RASSF7: variants seen among roughly 807,000 people sequenced by gnomAD.
RASSF7 encodes ras association domain-containing protein 7.
A neutral mutation model predicts 33.8 loss-of-function variants in RASSF7; 41 were observed. The observed-to-expected ratio is 1.21, with a 90% confidence interval of 0.95 to 1.57. The LOEUF is 1.57. RASSF7 is among the 40% of genes most tolerant of loss of function. RASSF7 has a pLI of 0.00. For synonymous variants in RASSF7, 298 were observed against 212.8 expected, an observed-to-expected ratio of 1.40 and a Z score of -3.48; for missense variants, 622 against 497.0, an observed-to-expected ratio of 1.25 and a Z score of -2.39.
At chr11:563,042 C>T (rs1011023448) in intron 3 of RASSF7, 147 bp from the exon 4 acceptor site, 57 of 806,136 alleles carry the variant, frequency 7.1e-5, no homozygotes, top group East Asian at 6.2e-4. Context: ...CAGGTGAGCC[C>T]GGGGACCTGA....
rs1340508036 is a variant in RASSF7 at position 563,669 on chromosome 11, CA to C, written c.*25del. ...GACAGCCTAGTGAGGGCTGCAAGAC[CA>C]TCCTGCCCGGACCACAGAAGGAGAG... is the stretch of plus-strand genomic sequence containing the variant. On this transcript the variant is annotated 3_prime_UTR_variant, in exon 6 of 6. Transcript: ENST00000397583. 1.7e-5 allele frequency: 27 copies of C among 1,583,096 alleles called. No homozygotes were observed. The highest frequency in any genetic ancestry group is 2.2e-5 in the Non-Finnish European group (26 of 1,163,948).
rs376543695 is a variant in RASSF7, at chr11:561,775, T to C, written c.7T>C (p.Leu3=). The change falls in exon 2 of 6, where the codon TTG becomes CTG. Residue 3 remains leucine (L), a synonymous_variant. Coordinates refer to ENST00000397583, the MANE Select transcript of RASSF7 (RefSeq NM_003475.4). ML[L]GLAAMELKVW... ...CCCTCCCCACAGGACAGGCATGTTG[T>C]TGGGACTGGCGGCCATGGAGCTGAA... 306 of 1,613,356 alleles carry C rather than the reference T, an allele frequency of 1.9e-4. No individual in the cohort carries two copies. The highest frequency in any genetic ancestry group is 2.4e-4 in the Non-Finnish European group (289 of 1,180,010).
At position 562,452 on chromosome 11, in the gene RASSF7, T is replaced by C. The variant is rs1279289068; in HGVS notation, c.498T>C (p.Ala166=). Residue 166 remains alanine, a synonymous_variant, in exon 3 of 6, where the codon GCT becomes GCC. Coordinates refer to ENST00000397583, the MANE Select transcript of RASSF7 (RefSeq NM_003475.4). ...TGGAGCTCAGGGTGCAGAGGAATGC[T>C]GAGGAGCTGGGCCATGAGGCCTTCT... ...RGLELRVQRN[A]EELGHEAFWE... The C allele has an allele frequency of 1.9e-6, 3 of 1,550,994 alleles. No homozygotes were observed. The highest frequency in any genetic ancestry group is 2.6e-6 in the Non-Finnish European group (3 of 1,147,128).
chr11:562,255 C>G lies in RASSF7; in HGVS notation c.301C>G (p.Pro101Ala), dbSNP rs902694647. The G allele has an allele frequency of 3.7e-6, 6 of 1,612,806 alleles. No individual in the cohort carries two copies. The African/African-American group carries it at 8.0e-5, about 22-fold the overall frequency. The change falls in exon 3 of 6, where the codon CCA becomes GCA. Residue 101 changes from proline to alanine, a missense_variant. Coordinates refer to ENST00000397583, the MANE Select transcript of RASSF7 (RefSeq NM_003475.4). ...TGGGAGGCCCTCCTCAGACAGCTGT[C>G]CACCCCCGGAACGCTGCCTAATTCG... ...LAGRPSSDSC[P>A]PPERCLIRAS... is the part of the protein sequence containing the mutation.
Position 563,473 on chromosome 11 carries a change from C to G in RASSF7, c.1029C>G (p.Pro343=), listed in dbSNP as rs747140525. The G allele has an allele frequency of 6.2e-7, 1 of 1,610,612 alleles. No individual in the cohort carries two copies. ...SESHAGAQPR[P]RGGPHDAELL... is the part of the protein sequence containing the mutation. Reference sequence around the variant, plus strand: ...CCCATGCTGGTGCCCAGCCTAGGCCCCGAGGGTATGTCTGTGCCCCACCTC... The same window carrying G: ...CCCATGCTGGTGCCCAGCCTAGGCCGCGAGGGTATGTCTGTGCCCCACCTC... The change falls in exon 5 of 6, where the codon CCC becomes CCG. Residue 343 remains proline (P), a synonymous_variant. Coordinates refer to ENST00000397583, the MANE Select transcript of RASSF7 (RefSeq NM_003475.4).
chr11:563,171 G>C lies in RASSF7; in HGVS notation c.823-18G>C. ...GAGCCCAGTGGCTGTGCCTCCTAAG[G>C]ATCTCATGTGTCCCCAGGCTCAGGC... On this transcript the variant is annotated intron_variant, in intron 3 of 5. Transcript: ENST00000397583. The C allele has an allele frequency of 6.4e-7, 1 of 1,555,516 alleles. No homozygotes were observed. The highest frequency in any genetic ancestry group is 8.7e-7 in the Non-Finnish European group (1 of 1,146,142).
At position 563,746 on chromosome 11, in the gene RASSF7, G is replaced by A. The variant is rs1028132241; in HGVS notation, c.*101G>A. On this transcript the variant is annotated 3_prime_UTR_variant, in exon 6 of 6. Coordinates refer to ENST00000397583, the MANE Select transcript of RASSF7 (RefSeq NM_003475.4). Reference sequence around the variant, plus strand: ...CCAGGCAGTGGGAAGCCCTGGGTTTGGCCTCAGGAGCTGGGGGTGCAGTGG... The same window carrying A: ...CCAGGCAGTGGGAAGCCCTGGGTTTAGCCTCAGGAGCTGGGGGTGCAGTGG... 1 of 1,176,184 alleles carries A rather than the reference G, an allele frequency of 8.5e-7. No homozygotes were observed. The allele number at this position is 1,176,184 out of a possible 1,614,324, so 72.9% of individuals were successfully genotyped here.
Position 563,749 on chromosome 11 carries a change from C to T in RASSF7, c.*104C>T. 2 of 1,158,734 alleles carry T rather than the reference C, an allele frequency of 1.7e-6. No individual in the cohort carries two copies. Among genetic ancestry groups the T allele is most frequent in the Non-Finnish European group, 2.4e-6 (2 of 826,902 alleles). The allele number at this position is 1,158,734 out of a possible 1,614,324, so 71.8% of individuals were successfully genotyped here. A position where few individuals can be genotyped will look rare whatever the true frequency, so the allele number is the denominator to read the frequency against. ...GGCAGTGGGAAGCCCTGGGTTTGGCCTCAGGAGCTGGGGGTGCAGTGGGGG... is the reference window on the plus strand; with the variant it reads ...GGCAGTGGGAAGCCCTGGGTTTGGCTTCAGGAGCTGGGGGTGCAGTGGGGG... On this transcript the variant is annotated 3_prime_UTR_variant, in exon 6 of 6. Coordinates refer to ENST00000397583, the MANE Select transcript of RASSF7 (RefSeq NM_003475.4).
chr11:563,107 G>A (rs916490217), intron 3 of RASSF7, 82 bp from the exon 4 acceptor site: 19 of 1,372,750 alleles, frequency 1.4e-5, no homozygotes, highest in Non-Finnish European at 1.8e-5. Context: ...CACAGGGCCC[G>A]ACCAGGGAAA....
In RASSF7 at chr11:563,201, G is replaced by A. The variant is rs1853424023; in HGVS notation, c.835G>A (p.Glu279Lys). Residue 279 changes from glutamate to lysine, a missense_variant, in exon 4 of 6, where the codon GAG becomes AAG. Physicochemically the swap from Glu to Lys is moderately conservative, Grantham distance 56. Transcript: ENST00000397583. ...AERALQAQAQ[E>K]LEELNRELRQ... ...CATGTGTCCCCAGGCTCAGGCTCAG[G>A]AGCTGGAGGAGCTGAACCGAGAGCT... 6 of 1,582,656 alleles carry A rather than the reference G, an allele frequency of 3.8e-6. No individual in the cohort carries two copies. The highest frequency in any genetic ancestry group is 5.2e-6 in the Non-Finnish European group (6 of 1,160,232).
Position 561,420 on chromosome 11 carries a change from G to T in RASSF7, c.-65G>T. Reference sequence around the variant, plus strand: ...GCGTTCCCATGCCGGCGGCCGCGGGGCCTGGCGTGCGGGCGCCTCCGCGCC... The same window carrying T: ...GCGTTCCCATGCCGGCGGCCGCGGGTCCTGGCGTGCGGGCGCCTCCGCGCC... On this transcript the variant is annotated 5_prime_UTR_variant, in exon 1 of 6. Transcript: ENST00000397583. 2.6e-6 allele frequency: 3 copies of T among 1,143,442 alleles called. No individual in the cohort carries two copies. Among genetic ancestry groups the T allele is most frequent in the Non-Finnish European group, 3.2e-6 (3 of 926,334 alleles). 70.8% of individuals were successfully genotyped at this position (1,143,442 alleles called of 1,614,324 possible). A position where few individuals can be genotyped will look rare whatever the true frequency, so the allele number is the denominator to read the frequency against.
rs757318738 is a variant in RASSF7 at position 563,475 on chromosome 11, G to A, written c.1031G>A (p.Arg344Gln). 50 of 1,610,238 alleles carry A rather than the reference G, an allele frequency of 3.1e-5. No homozygotes were observed. Among genetic ancestry groups the A allele is most frequent in the East Asian group, 8.9e-5 (4 of 44,796 alleles). ...ESHAGAQPRP[R>Q]GGPHDAELLE... ...CATGCTGGTGCCCAGCCTAGGCCCC[G>A]AGGGTATGTCTGTGCCCCACCTCCC... is the stretch of plus-strand genomic sequence containing the variant. Residue 344 changes from arginine (R) to glutamine (Q), a missense_variant, in exon 5 of 6, where the codon CGA becomes CAA. Arg to Gln is a conservative substitution (Grantham distance 43, BLOSUM62 1). Transcript: ENST00000397583.
At position 562,601 on chromosome 11, in the gene RASSF7, C is replaced by T; in HGVS notation, c.647C>T (p.Ala216Val). 1 of 1,543,516 alleles carries T rather than the reference C, an allele frequency of 6.5e-7. No homozygotes were observed. The highest frequency in any genetic ancestry group is 2.0e-5 in the Admixed American group (1 of 50,990). The change falls in exon 3 of 6, where the codon GCC (alanine) becomes GTC (valine). Residue 216 changes from alanine to valine, a missense_variant. Physicochemically the swap from Ala to Val is moderately conservative, Grantham distance 64. Coordinates refer to ENST00000397583, the MANE Select transcript of RASSF7 (RefSeq NM_003475.4). The part of the protein sequence containing the change: ...RLQALDAQAR[A>V]LEAELQLAAE... Reference sequence around the variant, plus strand: ...CAGGCCCTGGACGCTCAGGCCCGTGCCCTGGAGGCTGAGCTGCAGCTGGCA... The same window carrying T: ...CAGGCCCTGGACGCTCAGGCCCGTGTCCTGGAGGCTGAGCTGCAGCTGGCA...
intron 3 of RASSF7, 60 bp from the exon 4 acceptor site, chr11:563,129 G>A (rs772711108): frequency 4.6e-5 from 68 of 1,476,092 alleles, no homozygotes; most frequent in East Asian, 1.1e-4. Context: ...TGCTCCCTCC[G>A]GAGCACAAGG....
In RASSF7 at chr11:561,186, C is replaced by G. The variant is rs1589837058; in HGVS notation, c.-299C>G. On this transcript the variant is annotated 5_prime_UTR_variant, in exon 1 of 6. Coordinates refer to ENST00000397583, the MANE Select transcript of RASSF7 (RefSeq NM_003475.4). ...GCCCGCCCTGCGGAACGGGGACGCC[C>G]TGGCTCCCGCCAGGCTGGGGTCGCG... 1.0e-6 allele frequency: 1 copy of G among 984,934 alleles called. No individual in the cohort carries two copies. 61.0% of individuals were successfully genotyped at this position (984,934 alleles called of 1,614,324 possible).
At chr11:561,655 G>T in intron 1 of RASSF7, 107 bp from the exon 2 acceptor site, 1 of 1,517,840 alleles carries the variant, frequency 6.6e-7, no homozygotes, top group Non-Finnish European at 8.8e-7. Context: ...GTGCGGAGGG[G>T]CGGCAGCCCA....
chr11:563,736 C>A lies in RASSF7; in HGVS notation c.*91C>A. On this transcript the variant is annotated 3_prime_UTR_variant, in exon 6 of 6. Coordinates refer to ENST00000397583, the MANE Select transcript of RASSF7 (RefSeq NM_003475.4). ...GGCTCCTCTGCCAGGCAGTGGGAAG[C>A]CCTGGGTTTGGCCTCAGGAGCTGGG... 1 of 1,286,550 alleles carries A rather than the reference C, an allele frequency of 7.8e-7. No homozygotes were observed. The highest frequency in any genetic ancestry group is 1.5e-5 in the African/African-American group (1 of 67,884). The allele number at this position is 1,286,550 out of a possible 1,614,324, so 79.7% of individuals were successfully genotyped here.
In RASSF7 at chr11:563,778, G is replaced by A. The variant is rs967144163; in HGVS notation, c.*133G>A. ...GGAGCTGGGGGTGCAGTGGGGGACTGCCCTAGTCCTTGCCAGGTCGCCAGC... is the reference window on the plus strand; with the variant it reads ...GGAGCTGGGGGTGCAGTGGGGGACTACCCTAGTCCTTGCCAGGTCGCCAGC... On this transcript the variant is annotated 3_prime_UTR_variant, in exon 6 of 6. Transcript: ENST00000397583. 3.6e-6 allele frequency: 3 copies of A among 838,260 alleles called. No individual in the cohort carries two copies. Among genetic ancestry groups the A allele is most frequent in the Non-Finnish European group, 5.5e-6 (3 of 550,058 alleles). 51.9% of individuals were successfully genotyped at this position (838,260 alleles called of 1,614,324 possible).
rs1311042969 is a variant in RASSF7, at chr11:563,233, GT to G, written c.868del (p.Cys290AlafsTer66). ...LEELNRELRQ[C>X]NLQQFIQQTG... The stretch of plus-strand genomic sequence containing the variant: ...AGGAGCTGAACCGAGAGCTCCGTCA[GT>G]GCAACCTGCAGCAGTTCATCCAGCA... On this transcript the variant is annotated frameshift_variant, in exon 4 of 6. Coordinates refer to ENST00000397583, the MANE Select transcript of RASSF7 (RefSeq NM_003475.4). LOFTEE classifies it high-confidence loss of function. 4.4e-6 allele frequency: 7 copies of G among 1,606,724 alleles called. No individual in the cohort carries two copies. The highest frequency in any genetic ancestry group is 5.1e-6 in the Non-Finnish European group (6 of 1,175,794).
Sources: allele counts gnomAD v4.1 joint callset, GRCh38; gene constraint gnomAD v4.1.1; transcripts MANE v1.5; gene names NCBI Gene and HGNC (gene_info 2026-07-23, HGNC 2026-07-21).